Variants in CCDC171 observed in about 807,000 individuals in gnomAD.
CCDC171 encodes the protein coiled-coil domain containing 171, also known as coiled-coil domain-containing protein 171.
A neutral mutation model predicts 168.2 loss-of-function variants in CCDC171; 177 were observed. The ratio of observed to expected loss-of-function variants is 1.05; its 90% CI spans 0.93 to 1.19. CCDC171 has a LOEUF of 1.19. CCDC171 is among the 50% of genes most tolerant of loss of function. The probability of loss-of-function intolerance (pLI) is 0.00; values close to 1 mark genes in which losing one functional copy is unlikely to be tolerated. For synonymous variants in CCDC171, 687 were observed against 540.8 expected (o/e 1.27, Z -3.75); for missense variants, 1,991 against 1,539.0 (o/e 1.29, Z -4.91).
the CCDC171 span, among the ~76,000 whole-genome samples, chr9:16,090,945 A>G: frequency 0.39 from 58,619 of 152,044 alleles, 11,577 homozygotes; most frequent in African/African-American, 0.44. Context: ...CTTAACTCTG[A>G]CCATATCTTT....
chr9:16,104,927 TA>T, the CCDC171 span, among the ~76,000 whole-genome samples: 243 of 152,212 alleles, frequency 1.6e-3, 3 homozygotes, highest in Middle Eastern at 6.8e-3. Flanking sequence ...GAGATGTAGG[TA>T]CCAGCAGACC....
At position 15,895,488 on chromosome 9, in the gene CCDC171, A is replaced by G. The variant is rs986632261; in HGVS notation, c.3600+20825A>G. 7.2e-4 allele frequency among the ~76,000 whole-genome samples: 109 copies of G among 152,064 alleles called. 1 individual carries two copies. Among genetic ancestry groups the G allele is most frequent in the African/African-American group, 2.4e-3 (99 of 41,430 alleles). On this transcript the variant is annotated intron_variant, in intron 24 of 25. Coordinates refer to ENST00000380701, the MANE Select transcript of CCDC171 (RefSeq NM_173550.4). ...GACTGCCTGAATTGTAGCTGACACC[A>G]TTGCAATAGAATCCAAATATTCACC...
the CCDC171 span, among the ~76,000 whole-genome samples, chr9:16,108,599 C>T: frequency 5.9e-5 from 9 of 152,246 alleles, no homozygotes; most frequent in African/African-American, 1.9e-4. Context: ...GAATGACCCA[C>T]GTAGAACTTC....
chr9:15,700,446 A>G (rs1253297504), intron 11 of CCDC171, among the ~76,000 whole-genome samples: 1 of 152,076 alleles, frequency 6.6e-6, no homozygotes, highest in Non-Finnish European at 1.5e-5. Context: ...CTGCAAGCTG[A>G]GGGAGTGGGC....
chr9:15,800,098 A>T (rs781569864), intron 21 of CCDC171, among the ~76,000 whole-genome samples: 2 of 152,098 alleles, frequency 1.3e-5, no homozygotes, highest in Non-Finnish European at 2.9e-5. Flanking sequence ...TATCTCTTCA[A>T]TATACCAATT....
chr9:15,820,403 C>G lies in CCDC171; in HGVS notation c.3268-26299C>G, dbSNP rs1356541580. ...TTCAAAAAATCAATGAATCCAGGAGCTGGTTTTTTGAAAAGATCAACAAAA... is the reference window on the plus strand; with the variant it reads ...TTCAAAAAATCAATGAATCCAGGAGGTGGTTTTTTGAAAAGATCAACAAAA... On this transcript the variant is annotated intron_variant, in intron 21 of 25. Transcript: ENST00000380701. Among the ~76,000 whole-genome samples the G allele has an allele frequency of 2.3e-4, 26 of 115,146 alleles. 7 individuals carry two copies. Among genetic ancestry groups the G allele is most frequent in the South Asian group, 2.0e-3 (7 of 3,514 alleles). 75.5% of individuals were successfully genotyped at this position (115,146 alleles called of 152,430 possible).
At chr9:15,738,443 T>C (rs1189812781) in intron 16 of CCDC171, among the ~76,000 whole-genome samples, 1 of 152,220 alleles carries the variant, frequency 6.6e-6, no homozygotes, top group Non-Finnish European at 1.5e-5. Context: ...TAGGTTTTTT[T>C]CTTCATGATC....
chr9:15,574,495 T>G (rs1469080756), intron 3 of CCDC171, among the ~76,000 whole-genome samples: 1 of 151,982 alleles, frequency 6.6e-6, no homozygotes, highest in Non-Finnish European at 1.5e-5. Flanking sequence ...GCCAGGCTGG[T>G]CGCGAACTCC....
intron 10 of CCDC171, among the ~76,000 whole-genome samples, chr9:15,692,233 G>C (rs2050852612): frequency 6.6e-6 from 1 of 151,918 alleles, no homozygotes; most frequent in Non-Finnish European, 1.5e-5. Flanking sequence ...AAAATTAGCT[G>C]GGCATGGGCA....
At chr9:16,004,402 G>C (rs1199090844) in intron 3 of CCDC171, among the ~76,000 whole-genome samples, 2 of 152,172 alleles carry the variant, frequency 1.3e-5, no homozygotes, top group African/African-American at 4.8e-5. Context: ...GTCCAGTAAA[G>C]GAAAAATAAC....
chr9:15,756,172 C>T (rs2056100672), intron 18 of CCDC171, among the ~76,000 whole-genome samples: 1 of 152,040 alleles, frequency 6.6e-6, no homozygotes, highest in Non-Finnish European at 1.5e-5. Context: ...CACTAATCAA[C>T]AAACTCAACA....
intron 21 of CCDC171, among the ~76,000 whole-genome samples, chr9:15,832,115 T>A (rs2060259195): frequency 6.6e-6 from 1 of 152,218 alleles, no homozygotes; most frequent in East Asian, 1.9e-4. Context: ...CTTCTTTTTC[T>A]TTTTGTTTTA....
chr9:15,804,963 T>G (rs982982347), intron 21 of CCDC171, among the ~76,000 whole-genome samples: 1 of 152,158 alleles, frequency 6.6e-6, no homozygotes, highest in African/African-American at 2.4e-5. Context: ...GGATTCAATT[T>G]CTTCCTGTTT....
chr9:15,734,658 T>C (rs1270455316), intron 16 of CCDC171, among the ~76,000 whole-genome samples: 1 of 152,240 alleles, frequency 6.6e-6, no homozygotes, highest in East Asian at 1.9e-4. Flanking sequence ...TTTGGTATTA[T>C]GTTTGATAAA....
intron 10 of CCDC171, among the ~76,000 whole-genome samples, chr9:15,685,078 T>A (rs966096787): frequency 6.6e-6 from 1 of 152,256 alleles, no homozygotes; most frequent in African/African-American, 2.4e-5. Flanking sequence ...CTTACAATTC[T>A]TTTAAATTTC....
chr9:15,836,935 A>G (rs535711158), intron 21 of CCDC171, among the ~76,000 whole-genome samples: 2 of 152,348 alleles, frequency 1.3e-5, no homozygotes, highest in South Asian at 4.1e-4. Context: ...CTTTTTCATT[A>G]TATAATGTAT....
chr9:15,568,429 C>G (rs944235326), intron 2 of CCDC171, among the ~76,000 whole-genome samples: 22 of 126,100 alleles, frequency 1.7e-4, no homozygotes, highest in Non-Finnish European at 3.9e-4. Flanking sequence ...CGCCACCACG[C>G]CTGGAGAATT....
chr9:15,943,994 G>C (rs1828013419), intron 25 of CCDC171, among the ~76,000 whole-genome samples: 1 of 151,996 alleles, frequency 6.6e-6, no homozygotes, highest in Non-Finnish European at 1.5e-5. Context: ...AACCGAAACA[G>C]GATGCCACTA....
intron 21 of CCDC171, among the ~76,000 whole-genome samples, chr9:15,822,008 G>A (rs1018111551): frequency 3.6e-4 from 55 of 152,210 alleles, no homozygotes; most frequent in African/African-American, 1.3e-3. Flanking sequence ...GAACACAACA[G>A]AGCCCTCAGA....
Sources: gnomAD v4.1 joint callset for allele counts (sites outside exome capture counted in the v4.1 genomes callset) on GRCh38, gnomAD v4.1.1 for gene constraint, MANE v1.5 for transcripts, NCBI Gene and HGNC (gene_info 2026-07-23, HGNC 2026-07-21) for gene names.